ZNF740: variants seen among roughly 807,000 people sequenced by gnomAD.
ZNF740 encodes oriLyt TD-element-binding protein 7.
A neutral mutation model predicts 24.8 loss-of-function variants in ZNF740; 14 were observed. The ratio of observed to expected loss-of-function variants is 0.56; its 90% confidence interval spans 0.37 to 0.88. ZNF740 has a LOEUF of 0.88. ZNF740 is among the 40% of genes least tolerant of loss of function. The probability of loss-of-function intolerance (pLI) is 0.00; values close to 1 mark genes in which losing one functional copy is unlikely to be tolerated. For synonymous variants in ZNF740, 69 were observed against 84.0 expected (o/e 0.82, Z 0.98); for missense variants, 201 against 247.9 (o/e 0.81, Z 1.27).
Position 53,194,394 on chromosome 12 carries a change from C to A in ZNF740, c.*6804C>A. ...ACCACGTGAAGGCAGAAAAGGACTC[C>A]AACCCCACCTTATGTCCTCTCCAGG... On this transcript the variant is annotated 3_prime_UTR_variant, in exon 7 of 7. Coordinates refer to ENST00000416904, the MANE Select transcript of ZNF740 (RefSeq NM_001004304.4). 1 of 1,587,194 alleles carries A rather than the reference C, an allele frequency of 6.3e-7. No individual in the cohort carries two copies. The highest frequency in any genetic ancestry group is 1.1e-5 in the South Asian group (1 of 89,242).
Position 53,194,514 on chromosome 12 carries a change from C to A in ZNF740, c.*6924C>A. On this transcript the variant is annotated 3_prime_UTR_variant, in exon 7 of 7. Coordinates refer to ENST00000416904, the MANE Select transcript of ZNF740 (RefSeq NM_001004304.4). ...TTTCTGGAGGGAGGACCCGTGAGAA[C>A]CTTGCATAGAACATACAGGATCCAG... The A allele has an allele frequency of 6.4e-6, 4 of 621,962 alleles. No individual in the cohort carries two copies. The highest frequency in any genetic ancestry group is 5.7e-5 in the South Asian group (3 of 52,668). 38.5% of individuals were successfully genotyped at this position (621,962 alleles called of 1,614,324 possible).
At chr12:53,186,980 G>A (rs1941836029) in intron 6 of ZNF740, among the ~76,000 whole-genome samples, 2 of 152,186 alleles carry the variant, frequency 1.3e-5, no homozygotes, top group Admixed American at 6.5e-5. Context: ...TGATGAGAAT[G>A]TAAGAGCTGG....
chr12:53,184,150 T>TGTGTGTGTGTGTGTGTGTGCGCGCGC lies in ZNF740; in HGVS notation c.10-740_10-739insTGTGTGTGTGTGTGTGTGCGCGCGCG, dbSNP rs59250662. Among the ~76,000 whole-genome samples, 43 of 104,416 alleles carry TGTGTGTGTGTGTGTGTGTGCGCGCGC rather than the reference T, an allele frequency of 4.1e-4. 1 individual carries two copies. Among genetic ancestry groups the TGTGTGTGTGTGTGTGTGTGCGCGCGC allele is most frequent in the African/African-American group, 1.5e-3 (39 of 26,772 alleles). 68.5% of individuals were successfully genotyped at this position (104,416 alleles called of 152,430 possible). A position where few individuals can be genotyped will look rare whatever the true frequency, so the allele number is the denominator to read the frequency against. On this transcript the variant is annotated intron_variant, in intron 2 of 6. Transcript: ENST00000416904. Reference sequence around the variant, plus strand: ...GTGTGTGTGTGTGTGTGTGTGTGTGTGCGCGCGCGCGCTCTGAAGCTAAGG... The same window carrying TGTGTGTGTGTGTGTGTGTGCGCGCGC: ...GTGTGTGTGTGTGTGTGTGTGTGTGTGTGTGTGTGTGTGTGTGTGCGCGCGCGCGCGCGCGCGCTCTGAAGCTAAGG...
intron 2 of ZNF740, among the ~76,000 whole-genome samples, chr12:53,183,714 T>C (rs909626426): frequency 6.6e-6 from 1 of 152,040 alleles, no homozygotes; most frequent in Non-Finnish European, 1.5e-5. Flanking sequence ...ATCATATCAG[T>C]TGCAATTGGT....
chr12:53,186,092 T>G lies in ZNF740; in HGVS notation c.373+15T>G, dbSNP rs1367138560. 3.1e-6 allele frequency: 5 copies of G among 1,607,024 alleles called. No homozygotes were observed. Among genetic ancestry groups the G allele is most frequent in the Non-Finnish European group, 4.3e-6 (5 of 1,174,660 alleles). ...TATTCACACTGGTAAGTCTCTTGTT[T>G]ATATTCAAAAGGGGGAGAATAGTCT... On this transcript the variant is annotated intron_variant, in intron 5 of 6. Coordinates refer to ENST00000416904, the MANE Select transcript of ZNF740 (RefSeq NM_001004304.4).
rs1386027704 is a variant in ZNF740, at chr12:53,191,564, T to G, written c.*3974T>G. ...AAGTGTCCCTCCCTCCTTCAGAGAG[T>G]GGGACTGTCTGCCTCTTGAAAGCGA... On this transcript the variant is annotated 3_prime_UTR_variant, in exon 7 of 7. Transcript: ENST00000416904. 6.2e-6 allele frequency: 10 copies of G among 1,608,380 alleles called. No individual in the cohort carries two copies. In the East Asian group the frequency reaches 2.0e-4, roughly 32 times the overall value.
At position 53,188,773 on chromosome 12, in the gene ZNF740, T is replaced by G. The variant is rs1409500992; in HGVS notation, c.*1183T>G. The G allele has an allele frequency of 6.6e-6, 1 of 151,946 alleles. No individual in the cohort carries two copies. Among genetic ancestry groups the G allele is most frequent in the African/African-American group, 2.4e-5 (1 of 41,338 alleles). The allele number at this position is 151,946 out of a possible 1,614,324, so 9.4% of individuals were successfully genotyped here. ...AGAGTGTGGGGGATGGGGGTGGGGG[T>G]GCTGCAGAGAAAAGACTAAAGAAGA... is the stretch of plus-strand genomic sequence containing the variant. On this transcript the variant is annotated 3_prime_UTR_variant, in exon 7 of 7. Coordinates refer to ENST00000416904, the MANE Select transcript of ZNF740 (RefSeq NM_001004304.4).
Position 53,193,638 on chromosome 12 carries a change from C to T in ZNF740, c.*6048C>T, listed in dbSNP as rs1942050982. 1.2e-5 allele frequency: 16 copies of T among 1,334,874 alleles called. No homozygotes were observed. Among genetic ancestry groups the T allele is most frequent in the South Asian group, 8.5e-5 (6 of 70,680 alleles). The allele number at this position is 1,334,874 out of a possible 1,614,324, so 82.7% of individuals were successfully genotyped here. A position where few individuals can be genotyped will look rare whatever the true frequency, so the allele number is the denominator to read the frequency against. On this transcript the variant is annotated 3_prime_UTR_variant, in exon 7 of 7. Coordinates refer to ENST00000416904, the MANE Select transcript of ZNF740 (RefSeq NM_001004304.4). ...CTCCTGTGGGGGGGATGGAAAGCAG[C>T]GGAGGAATACGGGCCAGGGTTGGTT...
rs751517079 is a variant in ZNF740, at chr12:53,192,746, A to G, written c.*5156A>G. 27 of 1,614,236 alleles carry G rather than the reference A, an allele frequency of 1.7e-5. No individual in the cohort carries two copies. In the South Asian group the frequency reaches 2.6e-4, roughly 16 times the overall value. On this transcript the variant is annotated 3_prime_UTR_variant, in exon 7 of 7. Coordinates refer to ENST00000416904, the MANE Select transcript of ZNF740 (RefSeq NM_001004304.4). ...GGGCATTGGTCGCATAGAGCACCAT[A>G]GTAGCCGTCCAAGCACTGGCAGCGG...
rs1433405092 is a variant in ZNF740 at position 53,187,773 on chromosome 12, C to T, written c.*183C>T. On this transcript the variant is annotated 3_prime_UTR_variant, in exon 7 of 7. Transcript: ENST00000416904. ...CCAGAACCTCAGCTCTGTAAATAAT[C>T]TGAGACTATGAGTATCTCGGGGAAG... 48 of 585,302 alleles carry T rather than the reference C, an allele frequency of 8.2e-5. No individual in the cohort carries two copies. The highest frequency in any genetic ancestry group is 1.3e-4 in the Non-Finnish European group (41 of 325,934). 36.3% of individuals were successfully genotyped at this position (585,302 alleles called of 1,614,324 possible).
rs1941851116 is a variant in ZNF740 at position 53,187,731 on chromosome 12, A to G, written c.*141A>G. 3 of 652,666 alleles carry G rather than the reference A, an allele frequency of 4.6e-6. No homozygotes were observed. The highest frequency in any genetic ancestry group is 5.5e-6 in the Non-Finnish European group (2 of 366,742). 40.4% of individuals were successfully genotyped at this position (652,666 alleles called of 1,614,324 possible). A position where few individuals can be genotyped will look rare whatever the true frequency, so the allele number is the denominator to read the frequency against. On this transcript the variant is annotated 3_prime_UTR_variant, in exon 7 of 7. Coordinates refer to ENST00000416904, the MANE Select transcript of ZNF740 (RefSeq NM_001004304.4). ...TGGACCCAGGAGACCAGAAGAGTGC[A>G]TCAGGGGACAGTGGCCCCAGAACCT... is the stretch of plus-strand genomic sequence containing the variant.
In ZNF740 at chr12:53,187,175, T is replaced by C. The variant is rs146513755; in HGVS notation, c.493-326T>C. ...TACTCTGTATCTGCCTTGAGATAGA[T>C]ACTCAATAAATCTTTGATGAATAAA... is the stretch of plus-strand genomic sequence containing the variant. On this transcript the variant is annotated intron_variant, in intron 6 of 6. Coordinates refer to ENST00000416904, the MANE Select transcript of ZNF740 (RefSeq NM_001004304.4). Among the ~76,000 whole-genome samples, 5 of 152,388 alleles carry C rather than the reference T, an allele frequency of 3.3e-5. No homozygotes were observed. In the East Asian group the frequency reaches 9.6e-4, roughly 29 times the overall value.
In ZNF740 at chr12:53,192,460, C is replaced by T. The variant is rs1302094145; in HGVS notation, c.*4870C>T. Reference sequence around the variant, plus strand: ...CCAAGATAGGGGCCAAGGCCAGGGTCACATTGGTATGGGCACAAGCTGTAC... The same window carrying T: ...CCAAGATAGGGGCCAAGGCCAGGGTTACATTGGTATGGGCACAAGCTGTAC... On this transcript the variant is annotated 3_prime_UTR_variant, in exon 7 of 7. Transcript: ENST00000416904. 1 of 1,614,054 alleles carries T rather than the reference C, an allele frequency of 6.2e-7. No homozygotes were observed. The highest frequency in any genetic ancestry group is 8.5e-7 in the Non-Finnish European group (1 of 1,180,056).
chr12:53,186,301 T>C, intron 5 of ZNF740, 90 bp from the exon 6 acceptor site: 7 of 1,279,986 alleles, frequency 5.5e-6, no homozygotes, highest in Non-Finnish European at 7.7e-6. Flanking sequence ...TGTCTACACA[T>C]TACTAAGAGT....
At position 53,186,245 on chromosome 12, in the gene ZNF740, G is replaced by C. The variant is rs1042584833; in HGVS notation, c.374-146G>C. The C allele has an allele frequency of 7.0e-6, 8 of 1,136,748 alleles. No homozygotes were observed. In the African/African-American group the frequency reaches 1.1e-4, roughly 16 times the overall value. 70.4% of individuals were successfully genotyped at this position (1,136,748 alleles called of 1,614,324 possible). A position where few individuals can be genotyped will look rare whatever the true frequency, so the allele number is the denominator to read the frequency against. ...GCATGGCTTTGTATCTGGTGTCACT[G>C]AGACCAGCACCTTTGGGGACCTCTC... On this transcript the variant is annotated intron_variant, in intron 5 of 6. Coordinates refer to ENST00000416904, the MANE Select transcript of ZNF740 (RefSeq NM_001004304.4).
rs1022731431 is a variant in ZNF740 at position 53,193,536 on chromosome 12, A to C, written c.*5946A>C. 6.8e-6 allele frequency: 5 copies of C among 740,134 alleles called. No individual in the cohort carries two copies. The African/African-American group carries it at 7.1e-5, about 11-fold the overall frequency. The allele number at this position is 740,134 out of a possible 1,614,324, so 45.8% of individuals were successfully genotyped here. A position where few individuals can be genotyped will look rare whatever the true frequency, so the allele number is the denominator to read the frequency against. On this transcript the variant is annotated 3_prime_UTR_variant, in exon 7 of 7. Transcript: ENST00000416904. Reference sequence around the variant, plus strand: ...GGGGTGAGAGAGTGGAGGGAGCCCCAGTCAGGGGGAGGGCCTGGACATACA... The same window carrying C: ...GGGGTGAGAGAGTGGAGGGAGCCCCCGTCAGGGGGAGGGCCTGGACATACA...
chr12:53,182,281 T>C, intron 2 of ZNF740: 2 of 440,084 alleles, frequency 4.5e-6, no homozygotes, highest in Non-Finnish European at 8.2e-6. Flanking sequence ...CTGAGGGGTG[T>C]AAGGGAGTGA....
rs1488257976 is a variant in ZNF740, at chr12:53,193,402, G to A, written c.*5812G>A. 1 of 1,420,590 alleles carries A rather than the reference G, an allele frequency of 7.0e-7. No homozygotes were observed. Among genetic ancestry groups the A allele is most frequent in the Non-Finnish European group, 9.5e-7 (1 of 1,052,712 alleles). The allele number at this position is 1,420,590 out of a possible 1,614,324, so 88.0% of individuals were successfully genotyped here. ...GCAAAGGAGAGAAGTAGGTCAGAGG[G>A]TTTGATCACCCCTGACTTGTCTCTC... On this transcript the variant is annotated 3_prime_UTR_variant, in exon 7 of 7. Coordinates refer to ENST00000416904, the MANE Select transcript of ZNF740 (RefSeq NM_001004304.4).
At position 53,188,741 on chromosome 12, in the gene ZNF740, A is replaced by C. The variant is rs1243901325; in HGVS notation, c.*1151A>C. On this transcript the variant is annotated 3_prime_UTR_variant, in exon 7 of 7. Coordinates refer to ENST00000416904, the MANE Select transcript of ZNF740 (RefSeq NM_001004304.4). ...GGCTTGCTTCCTGATGGCCATCCCT[A>C]CCCAACAGAGTGTGGGGGATGGGGG... 6.6e-6 allele frequency: 1 copy of C among 152,026 alleles called. No homozygotes were observed. Among genetic ancestry groups the C allele is most frequent in the Non-Finnish European group, 1.5e-5 (1 of 68,018 alleles). The allele number at this position is 152,026 out of a possible 1,614,324, so 9.4% of individuals were successfully genotyped here.
Sources: allele counts gnomAD v4.1 joint callset (sites outside exome capture counted in the v4.1 genomes callset), GRCh38; gene constraint gnomAD v4.1.1; transcripts MANE v1.5; gene names NCBI Gene and HGNC (gene_info 2026-07-23, HGNC 2026-07-21).